The following SON variants were observed in gnomAD, a reference collection of about 807,000 sequenced individuals.
The protein encoded by SON is SON DNA and RNA binding protein.
A neutral mutation model predicts 173.3 loss-of-function variants in SON; 4 were observed. The observed-to-expected ratio is 0.02, with a 90% CI of 0.01 to 0.05. The LOEUF (loss-of-function observed/expected upper bound fraction) is 0.05, where lower values mean the gene tolerates loss of function less well. Among genes scored for constraint, SON ranks in the 10% least tolerant of loss-of-function variants. SON has a pLI of 1.00. For missense variants in SON, 2,626 were observed against 3,055.3 expected (o/e 0.86, Z 3.31); for synonymous variants, 1,190 against 1,105.9 (o/e 1.08, Z -1.51).
chr21:33,558,409 CTA>C (rs2086007626), intron 4 of SON: 1 of 152,178 alleles, frequency 6.6e-6, no homozygotes, highest in Non-Finnish European at 1.5e-5. Context: ...AGACATGTTG[CTA>C]TCTAATCCTG....
At chr21:33,574,260 G>C (rs2086350270) in intron 9 of SON, among the ~76,000 whole-genome samples, 1 of 152,166 alleles carries the variant, frequency 6.6e-6, no homozygotes, top group Non-Finnish European at 1.5e-5. Context: ...GTAAAACTGG[G>C]ATTTATTTTC....
chr21:33,557,416 G>A (rs1234965261), intron 4 of SON, 100 bp downstream of exon 4: 2 of 1,538,218 alleles, frequency 1.3e-6, no homozygotes, highest in Non-Finnish European at 1.8e-6. Flanking sequence ...AACTGATAAT[G>A]GCTGGCACCG....
intron 4 of SON, chr21:33,557,794 T>G: frequency 1.7e-6 from 2 of 1,176,814 alleles, no homozygotes; most frequent in Non-Finnish European, 2.3e-6. Flanking sequence ...CATCAACATT[T>G]CGGGTTTTGG....
In SON at chr21:33,559,153, T is replaced by C. The variant is rs559133801; in HGVS notation, c.6322-77T>C. 3.7e-5 allele frequency: 44 copies of C among 1,173,624 alleles called. 1 individual carries two copies. The South Asian group carries it at 6.2e-4, about 16-fold the overall frequency. The allele number at this position is 1,173,624 out of a possible 1,614,324, so 72.7% of individuals were successfully genotyped here. A position where few individuals can be genotyped will look rare whatever the true frequency, so the allele number is the denominator to read the frequency against. Reference sequence around the variant, plus strand: ...GTTTAACTTTGGAAAGTTGCTATTATGTGGTTTTGATTCTAAGAAATTACA... The same window carrying C: ...GTTTAACTTTGGAAAGTTGCTATTACGTGGTTTTGATTCTAAGAAATTACA... On this transcript the variant is annotated intron_variant, in intron 4 of 11. Transcript: ENST00000356577. This position sits in a 1 kb window ranked among gnomAD's most constrained non-coding sequence, Gnocchi z 4.1.
Position 33,554,009 on chromosome 21 carries a change from T to C in SON, c.4778T>C (p.Leu1593Pro), listed in dbSNP as rs1893039892. ...AGTGAAGCTGATGCAGGAGAAACTC[T>C]ATCTTCTACTGGTCCTTTTGCTCTG... is the stretch of plus-strand genomic sequence containing the variant. ...GVSEADAGETLSSTGPFALEP... is the reference protein window; with the variant it reads ...GVSEADAGETPSSTGPFALEP... The change falls in exon 3 of 12, where the codon CTA (leucine) becomes CCA (proline). Residue 1593 changes from leucine to proline, a missense_variant. By Grantham distance (98) the Leu-to-Pro change is moderately conservative (BLOSUM62 -3). Coordinates refer to ENST00000356577, the MANE Select transcript of SON (RefSeq NM_138927.4). 6.2e-7 allele frequency: 1 copy of C among 1,614,062 alleles called. No homozygotes were observed. The highest frequency in any genetic ancestry group is 1.3e-5 in the African/African-American group (1 of 74,936).
rs1260617402 is a variant in SON, at chr21:33,559,669, G to A, written c.6551G>A (p.Arg2184Gln). 1 of 1,613,856 alleles carries A rather than the reference G, an allele frequency of 6.2e-7. No homozygotes were observed. The highest frequency in any genetic ancestry group is 8.5e-7 in the Non-Finnish European group (1 of 1,179,944). Residue 2184 changes from arginine (R) to glutamine (Q), a missense_variant, in exon 6 of 12, where the codon CGG (arginine) becomes CAG (glutamine). Arg to Gln is a conservative substitution (Grantham distance 43). Around this residue, in one of 13 missense-constraint regions of SON, gnomAD observed 75 missense variants for 201.6 expected, o/e 0.37. Transcript: ENST00000356577. The surrounding 1 kb of genome is among the most constrained non-coding windows in gnomAD (Gnocchi z 4.1). ...EFPVSSGSQH[R>Q]KKEADSVYGE... ...CCTGTATCATCTGGATCTCAACATC[G>A]GAAAAAAGAAGCGGATAGTGTTTAT...
Position 33,559,819 on chromosome 21 carries a change from A to T in SON, c.6657+44A>T. 2 of 1,606,520 alleles carry T rather than the reference A, an allele frequency of 1.2e-6. No individual in the cohort carries two copies. The highest frequency in any genetic ancestry group is 1.7e-6 in the Non-Finnish European group (2 of 1,175,178). Reference sequence around the variant, plus strand: ...ATGTATTTTTCCTTTTTTATACCTGAATCTGCCATTTCATTGTTATGTTAT... The same window carrying T: ...ATGTATTTTTCCTTTTTTATACCTGTATCTGCCATTTCATTGTTATGTTAT... On this transcript the variant is annotated intron_variant, in intron 6 of 11. Transcript: ENST00000356577. This position sits in a 1 kb window ranked among gnomAD's most constrained non-coding sequence, Gnocchi z 4.1.
chr21:33,572,767 A>ATTT, intron 8 of SON: 2 of 289,136 alleles, frequency 6.9e-6, no homozygotes, highest in South Asian at 3.4e-5. Context: ...AAATTTCAAG[A>ATTT]GTTTTTTTTT....
rs754561881 is a variant in SON, at chr21:33,550,778, C to G, written c.1547C>G (p.Pro516Arg). 6.8e-6 allele frequency: 11 copies of G among 1,614,192 alleles called. No individual in the cohort carries two copies. The highest frequency in any genetic ancestry group is 9.3e-6 in the Non-Finnish European group (11 of 1,180,022). ...QPVTTTELEQ[P>R]VGMTTVEHPG... ...GTGACGACGACAGAGTTGGAGCAGC[C>G]TGTGGGGATGACAACGGTGGAACAT... Residue 516 changes from proline to arginine, a missense_variant, in exon 3 of 12, where the codon CCT (proline) becomes CGT (arginine). This residue lies in a region of SON where 757 missense variants were observed against 730.1 expected (regional missense o/e 1.04). Coordinates refer to ENST00000356577, the MANE Select transcript of SON (RefSeq NM_138927.4).
chr21:33,550,876 C>G lies in SON; in HGVS notation c.1645C>G (p.Pro549Ala). ...TGAGGCAACGATGGTGCTGGAGTTG[C>G]CAGGACAGCCAGTGGCAACGACAGC... ...QPEATMVLEL[P>A]GQPVATTALE... The change falls in exon 3 of 12, where the codon CCA becomes GCA. Residue 549 changes from proline (P) to alanine (A), a missense_variant. Pro to Ala is a conservative substitution (Grantham distance 27). Coordinates refer to ENST00000356577, the MANE Select transcript of SON (RefSeq NM_138927.4). 1 of 1,612,218 alleles carries G rather than the reference C, an allele frequency of 6.2e-7. No individual in the cohort carries two copies. The highest frequency in any genetic ancestry group is 8.5e-7 in the Non-Finnish European group (1 of 1,178,502).
At chr21:33,545,993 CTTAA>C (rs1196010314) in intron 1 of SON, among the ~76,000 whole-genome samples, 2 of 152,118 alleles carry the variant, frequency 1.3e-5, no homozygotes, top group Admixed American at 1.3e-4. Flanking sequence ...AACCTGTTTT[CTTAA>C]TTTTCATAGT....
chr21:33,543,855 G>C (rs1418297918), intron 1 of SON, among the ~76,000 whole-genome samples: 1 of 152,182 alleles, frequency 6.6e-6, no homozygotes, highest in East Asian at 1.9e-4. Flanking sequence ...TTTGTGTGTA[G>C]GTCTATTATT....
At position 33,571,616 on chromosome 21, in the gene SON, G is replaced by A. The variant is rs141466026; in HGVS notation, c.6886-1692G>A. On this transcript the variant is annotated intron_variant, in intron 8 of 11. Transcript: ENST00000356577. ...CTGATAAATACAGTTTGTTATTGTG[G>A]TCTCATTAAATTAATCAGCTTTTTC... 42 of 152,690 alleles carry A rather than the reference G, an allele frequency of 2.8e-4. No homozygotes were observed. In the East Asian group the frequency reaches 7.9e-3, roughly 29 times the overall value. The allele number at this position is 152,690 out of a possible 1,614,324, so 9.5% of individuals were successfully genotyped here. A position where few individuals can be genotyped will look rare whatever the true frequency, so the allele number is the denominator to read the frequency against.
chr21:33,561,309 C>T (rs1164930807), intron 6 of SON, among the ~76,000 whole-genome samples: 1 of 152,112 alleles, frequency 6.6e-6, no homozygotes, highest in Non-Finnish European at 1.5e-5. Context: ...GGTTAACTGA[C>T]ATGTGCAGCT....
intron 8 of SON, chr21:33,569,593 A>C (rs2086240615): frequency 2.2e-6 from 1 of 463,908 alleles, no homozygotes. Flanking sequence ...GCCTTCTTGT[A>C]AGATCTCTTG....
At chr21:33,547,330 C>T (rs1207815620) in intron 2 of SON, among the ~76,000 whole-genome samples, 1 of 152,084 alleles carries the variant, frequency 6.6e-6, no homozygotes, top group Non-Finnish European at 1.5e-5. Flanking sequence ...TTTTATTAAA[C>T]AGTTGTGTAA....
Position 33,559,497 on chromosome 21 carries a change from TATCATTTCCTTCAGATTATGTAGAAA to T in SON, c.6469-86_6469-61del. The T allele has an allele frequency of 1.4e-6, 2 of 1,454,840 alleles. No homozygotes were observed. The highest frequency in any genetic ancestry group is 1.9e-6 in the Non-Finnish European group (2 of 1,072,420). 90.1% of individuals were successfully genotyped at this position (1,454,840 alleles called of 1,614,324 possible). On this transcript the variant is annotated intron_variant, in intron 5 of 11. Transcript: ENST00000356577. The surrounding 1 kb of genome is among the most constrained non-coding windows in gnomAD (Gnocchi z 4.1). ...AAATACTGTGAGAAATAATGGATAA[TATCATTTCCTTCAGATTATGTAGAAA>T]ATCTCAAACCATTTAATGTAGATAT...
At chr21:33,556,104 C>G (rs566966050) in intron 3 of SON, among the ~76,000 whole-genome samples, 1 of 152,194 alleles carries the variant, frequency 6.6e-6, no homozygotes, top group South Asian at 2.1e-4. Flanking sequence ...TCCCAGTATA[C>G]TGGACATTTC....
chr21:33,549,959 A>G lies in SON; in HGVS notation c.728A>G (p.Asp243Gly), dbSNP rs1322287905. ...MPEPSMTKIL[D>G]SFAAAPVPTT... ...GAACCATCCATGACAAAGATTCTGG[A>G]TTCCTTTGCAGCAGCACCAGTGCCT... is the stretch of plus-strand genomic sequence containing the variant. Residue 243 changes from aspartate to glycine, a missense_variant, in exon 3 of 12, where the codon GAT (aspartate) becomes GGT (glycine). Physicochemically the swap from Asp to Gly is moderately conservative, Grantham distance 94. Coordinates refer to ENST00000356577, the MANE Select transcript of SON (RefSeq NM_138927.4). 2 of 1,614,184 alleles carry G rather than the reference A, an allele frequency of 1.2e-6. No individual in the cohort carries two copies. Among genetic ancestry groups the G allele is most frequent in the Non-Finnish European group, 1.7e-6 (2 of 1,180,048 alleles).
Sources: allele counts gnomAD v4.1 joint callset (sites outside exome capture counted in the v4.1 genomes callset), GRCh38; gene constraint gnomAD v4.1.1; regional missense constraint gnomAD v4.1.1; non-coding constraint Gnocchi (gnomAD v3.1); transcripts MANE v1.5; gene names NCBI Gene and HGNC (gene_info 2026-07-23, HGNC 2026-07-21).